Variants in TRIM14 observed in about 807,000 individuals in gnomAD.
The protein encoded by TRIM14 is tripartite motif-containing protein 14.
A neutral mutation model predicts 44.5 loss-of-function variants in TRIM14; 28 were observed. The observed-to-expected ratio is 0.63, with a 90% CI of 0.47 to 0.86. TRIM14 has a LOEUF of 0.86. Among genes scored for constraint, TRIM14 ranks in the 40% least tolerant of loss-of-function variants. The probability of loss-of-function intolerance (pLI) is 0.00; values close to 1 mark genes in which losing one functional copy is unlikely to be tolerated. For synonymous variants in TRIM14, 299 were observed against 269.2 expected, an observed-to-expected ratio of 1.11 and a Z score of -1.08; for missense variants, 607 against 611.1, an observed-to-expected ratio of 0.99 and a Z score of 0.07.
chr9:98,056,278 A>G, the TRIM14 span, among the ~76,000 whole-genome samples: 1 of 152,198 alleles, frequency 6.6e-6, no homozygotes, highest in Non-Finnish European at 1.5e-5. Context: ...AGAAACAAAA[A>G]TAACGCTCCG....
the TRIM14 span, chr9:98,056,663 GGGGATTGGCTGC>G: frequency 7.9e-7 from 1 of 1,265,508 alleles, no homozygotes; most frequent in Non-Finnish European, 1.1e-6. Context: ...GCGGGGCCTA[GGGGATTGGCTGC>G]CCGGCGACCG....
the TRIM14 span, among the ~76,000 whole-genome samples, chr9:98,039,400 C>A: frequency 6.6e-6 from 1 of 152,112 alleles, no homozygotes; most frequent in Non-Finnish European, 1.5e-5. Flanking sequence ...CATTCCTGGG[C>A]GTAGGCTGAA....
chr9:98,110,848 A>AAAAATAAAATTAAAAT (rs1554738600), intron 1 of TRIM14, among the ~76,000 whole-genome samples: 1 of 130,528 alleles, frequency 7.7e-6, no homozygotes, highest in African/African-American at 3.4e-5. Flanking sequence ...CTCTACCACA[A>AAAAATAAAATTAAAAT]AAAATAAAAT....
downstream of TRIM14, among the ~76,000 whole-genome samples, chr9:98,080,200 C>T (rs1829791342): frequency 1.3e-5 from 2 of 152,152 alleles, no homozygotes; most frequent in Non-Finnish European, 2.9e-5. Context: ...GGTGACAGAG[C>T]AAGACTCTGT....
At chr9:98,060,978 C>T in the TRIM14 span, 4 of 1,613,834 alleles carry the variant, frequency 2.5e-6, no homozygotes, top group Non-Finnish European at 2.5e-6. Flanking sequence ...ATCTTCTTCA[C>T]TGCCTCTGGC....
the TRIM14 span, among the ~76,000 whole-genome samples, chr9:98,064,162 T>A: frequency 6.6e-6 from 1 of 152,226 alleles, no homozygotes; most frequent in Non-Finnish European, 1.5e-5. Context: ...AGTTTCAGGC[T>A]ACACTTCTGT....
At chr9:98,094,278 A>G (rs1275117496) in intron 4 of TRIM14, among the ~76,000 whole-genome samples, 2 of 152,212 alleles carry the variant, frequency 1.3e-5, no homozygotes, top group African/African-American at 2.4e-5. Context: ...TTTTGAGTAC[A>G]TGTTTTGTGC....
intron 1 of TRIM14, among the ~76,000 whole-genome samples, chr9:98,117,137 TACA>T (rs1453385099): frequency 6.6e-6 from 1 of 152,158 alleles, no homozygotes; most frequent in Non-Finnish European, 1.5e-5. Flanking sequence ...ATTTCCTGGC[TACA>T]ACAAGGAAGG....
At chr9:98,078,831 A>G (rs1829713083) in intron 6 of TRIM14, among the ~76,000 whole-genome samples, 2 of 82,916 alleles carry the variant, frequency 2.4e-5, no homozygotes, top group South Asian at 4.9e-4. Context: ...TGAGACTCTC[A>G]GGGGGAAAAA....
chr9:98,052,344 GAA>G, the TRIM14 span, among the ~76,000 whole-genome samples: 3 of 143,798 alleles, frequency 2.1e-5, no homozygotes, highest in African/African-American at 7.8e-5. Flanking sequence ...TGACTGAAAA[GAA>G]AAAAAAAAAC....
intron 3 of TRIM14, among the ~76,000 whole-genome samples, chr9:98,097,402 TC>T (rs1826225662): frequency 6.6e-6 from 1 of 152,108 alleles, no homozygotes; most frequent in Admixed American, 6.6e-5. Context: ...TGTACACAGT[TC>T]CTGTCTGTCC....
chr9:98,077,527 A>T (rs1049290931), intron 6 of TRIM14, among the ~76,000 whole-genome samples: 2 of 152,078 alleles, frequency 1.3e-5, no homozygotes, highest in Non-Finnish European at 2.9e-5. Context: ...TTTTTTAACT[A>T]AAATTTATAA....
intron 2 of TRIM14, among the ~76,000 whole-genome samples, chr9:98,108,906 T>A (rs551535830): frequency 4.2e-5 from 6 of 141,722 alleles, no homozygotes; most frequent in African/African-American, 1.8e-4. Context: ...TTGATAGGGT[T>A]TTGCTCTGTT....
At chr9:98,060,674 A>G in the TRIM14 span, 2 of 1,032,320 alleles carry the variant, frequency 1.9e-6, no homozygotes, top group South Asian at 2.9e-5. Context: ...CTGTCTCTAA[A>G]TAAATAAATA....
chr9:98,077,517 T>A (rs530622454), intron 6 of TRIM14, among the ~76,000 whole-genome samples: 79 of 152,058 alleles, frequency 5.2e-4, no homozygotes, highest in African/African-American at 1.9e-3. Flanking sequence ...TCCTAGAAAA[T>A]TTTTTAACTA....
At chr9:98,118,295 A>G (rs569642705) in intron 1 of TRIM14, among the ~76,000 whole-genome samples, 1 of 152,318 alleles carries the variant, frequency 6.6e-6, no homozygotes, top group African/African-American at 2.4e-5. Context: ...TAAGGGTTCC[A>G]CGGTGACAAT....
At chr9:98,109,845 A>T (rs372080655) in intron 2 of TRIM14, 44 bp downstream of exon 2, 2 of 1,513,960 alleles carry the variant, frequency 1.3e-6, no homozygotes, top group Non-Finnish European at 9.1e-7. Context: ...TCTGGGGGGA[A>T]ATGTGGGTCT....
the TRIM14 span, among the ~76,000 whole-genome samples, chr9:98,038,198 G>A: frequency 6.6e-6 from 1 of 151,850 alleles, no homozygotes; most frequent in African/African-American, 2.4e-5. Flanking sequence ...TTACAGGCAC[G>A]AGCCACCATG....
At position 98,087,544 on chromosome 9, in the gene TRIM14, C is replaced by A; in HGVS notation, c.1255G>T (p.Ala419Ser). The A allele has an allele frequency of 1.9e-6, 3 of 1,595,290 alleles. No individual in the cohort carries two copies. The highest frequency in any genetic ancestry group is 1.8e-5 in the Admixed American group (1 of 56,940). ...GGGTAGAGCGGCTCCTGGAACGTGG[C>A]GCGGAAGGTATGCAGGTGGCTCATG... is the stretch of plus-strand genomic sequence containing the variant. ...GGMSHLHTFR[A>S]TFQEPLYPAL... Residue 419 changes from alanine to serine, a missense_variant, in exon 6 of 6, where the codon GCC (alanine) becomes TCC (serine). Ala to Ser is a moderately conservative substitution (Grantham distance 99, BLOSUM62 1). Coordinates refer to ENST00000341469, the MANE Select transcript of TRIM14 (RefSeq NM_014788.4).
Sources: gnomAD v4.1 joint callset for allele counts (sites outside exome capture counted in the v4.1 genomes callset) on GRCh38, gnomAD v4.1.1 for gene constraint, MANE v1.5 for transcripts, NCBI Gene and HGNC (gene_info 2026-07-23, HGNC 2026-07-21) for gene names.